Variants in TMEM164 observed in about 807,000 individuals in gnomAD.
The protein encoded by TMEM164 is transmembrane protein 164, also known as RP13-360B22.2.
TMEM164 carries 4 observed loss-of-function variants against 18.8 expected under a neutral mutation model. That is an observed-to-expected ratio of 0.21 (90% CI 0.10 to 0.49). The LOEUF (loss-of-function observed/expected upper bound fraction) is 0.49. Ranked by LOEUF, TMEM164 falls within the 20% of genes least tolerant of loss-of-function variation. TMEM164 has a pLI of 0.98. For synonymous variants in TMEM164, 86 were observed against 101.7 expected (o/e 0.85, Z 0.93); for missense variants, 108 against 239.9 (o/e 0.45, Z 3.63).
intron 3 of TMEM164, among the ~76,000 whole-genome samples, chrX:110,096,329 C>A (rs1477683710): frequency 3.5e-5 from 4 of 112,913 alleles, no homozygotes; most frequent in Non-Finnish European, 7.5e-5. Flanking sequence ...CTGCAGTGGG[C>A]TCCACCCAGT....
chrX:110,147,839 G>C, intron 5 of TMEM164, among the ~76,000 whole-genome samples: 1 of 110,708 alleles, frequency 9.0e-6, no homozygotes, highest in Non-Finnish European at 1.9e-5. Flanking sequence ...TTCCCGTAAA[G>C]CTCCTCTATG....
At chrX:110,117,960 T>A (rs1304910201) in intron 4 of TMEM164, among the ~76,000 whole-genome samples, 2 of 112,302 alleles carry the variant, frequency 1.8e-5, no homozygotes, top group East Asian at 5.6e-4. Flanking sequence ...CCACCCAGGC[T>A]GGAGTGCAGT....
At chrX:110,136,652 T>C (rs1413988676) in intron 4 of TMEM164, among the ~76,000 whole-genome samples, 1 of 111,409 alleles carries the variant, frequency 9.0e-6, no homozygotes, top group Non-Finnish European at 1.9e-5. Context: ...TAATTTGCAG[T>C]GTGCAGCCCT....
At chrX:110,080,504 T>C (rs909043429) in intron 3 of TMEM164, among the ~76,000 whole-genome samples, 1 of 111,528 alleles carries the variant, frequency 9.0e-6, no homozygotes, top group Non-Finnish European at 1.9e-5. Context: ...TGCAGATCTC[T>C]TCTGTCATTC....
intron 4 of TMEM164, among the ~76,000 whole-genome samples, chrX:110,132,950 A>T: frequency 8.9e-6 from 1 of 111,906 alleles, no homozygotes; most frequent in Non-Finnish European, 1.9e-5. Context: ...GGCTGCTATG[A>T]CAAATATCAC....
chrX:110,154,673 G>T (rs866226490), intron 5 of TMEM164, among the ~76,000 whole-genome samples: 1 of 112,055 alleles, frequency 8.9e-6, no homozygotes, highest in Non-Finnish European at 1.9e-5. Context: ...GCCTGCCTCT[G>T]CCTCCCAAAG....
intron 5 of TMEM164, among the ~76,000 whole-genome samples, chrX:110,164,471 T>C (rs1265520636): frequency 9.0e-6 from 1 of 110,860 alleles, no homozygotes; most frequent in Non-Finnish European, 1.9e-5. Context: ...TGGGAATGCT[T>C]GACTTGGAGA....
intron 2 of TMEM164, 122 bp downstream of exon 2, chrX:110,004,286 C>A: frequency 1.2e-6 from 1 of 862,410 alleles, no homozygotes; most frequent in Non-Finnish European, 1.6e-6. Context: ...AATGATTTTC[C>A]AACGAGTGGC....
intron 3 of TMEM164, among the ~76,000 whole-genome samples, chrX:110,106,707 A>AT (rs200483579): frequency 3.2e-3 from 355 of 109,803 alleles, no homozygotes; most frequent in South Asian, 7.4e-3. Context: ...TGTTGATGTG[A>AT]TTTTTTTTTC....
downstream of TMEM164, among the ~76,000 whole-genome samples, chrX:110,179,095 A>G (rs2067313044): frequency 8.9e-6 from 1 of 111,781 alleles, no homozygotes; most frequent in South Asian, 3.8e-4. Flanking sequence ...AGCAGCCTCA[A>G]AGCAGACCTG....
intron 3 of TMEM164, among the ~76,000 whole-genome samples, chrX:110,078,178 T>C (rs758447170): frequency 8.9e-6 from 1 of 112,230 alleles, no homozygotes; most frequent in African/African-American, 3.2e-5. Flanking sequence ...TTCTTTATTC[T>C]TGTCTGACTG....
chrX:110,103,865 T>C (rs1227810206), intron 3 of TMEM164, among the ~76,000 whole-genome samples: 1 of 110,729 alleles, frequency 9.0e-6, no homozygotes, highest in Non-Finnish European at 1.9e-5. Context: ...ATGGAAAACA[T>C]GAGGGAAGGG....
At chrX:110,133,573 T>C (rs756845673) in intron 4 of TMEM164, among the ~76,000 whole-genome samples, 4 of 112,106 alleles carry the variant, frequency 3.6e-5, no homozygotes, top group African/African-American at 9.7e-5. Flanking sequence ...TACTGAGGTA[T>C]TGAGGGTGAG....
At position 110,171,406 on chromosome X, in the gene TMEM164, C is replaced by T. The variant is rs191232797; in HGVS notation, c.587-14C>T. ...ACTATTCCTGCCATCTCACCATCTC[C>T]CCTCTTCCTCCAGGTGCTTACACTC... On this transcript the variant is annotated splice_polypyrimidine_tract_variant and intron_variant, in intron 5 of 6. Transcript: ENST00000372068. 2.6e-4 allele frequency: 308 copies of T among 1,166,083 alleles called. No individual in the cohort carries two copies. Among genetic ancestry groups the T allele is most frequent in the Middle Eastern group, 1.9e-3 (8 of 4,212 alleles).
intron 2 of TMEM164, chrX:110,065,619 T>G (rs1303274782): frequency 9.0e-6 from 1 of 111,623 alleles, no homozygotes; most frequent in Non-Finnish European, 1.9e-5. Flanking sequence ...TGGGGATAAG[T>G]CGATGTTTGG....
chrX:110,158,805 G>T (rs1448216197), intron 5 of TMEM164, among the ~76,000 whole-genome samples: 1 of 111,883 alleles, frequency 8.9e-6, no homozygotes, highest in African/African-American at 3.3e-5. Flanking sequence ...TACACATGCT[G>T]CCCATTACAA....
At chrX:110,091,785 T>C (rs1005996661) in intron 3 of TMEM164, among the ~76,000 whole-genome samples, 4 of 112,361 alleles carry the variant, frequency 3.6e-5, no homozygotes, top group African/African-American at 1.3e-4. Flanking sequence ...TCTTTGCCCA[T>C]GCCTATGTCC....
rs371594699 is a variant in TMEM164, at chrX:110,176,100, T to G, written c.*2649T>G. 1.3e-6 allele frequency: 1 copy of G among 756,811 alleles called. No individual in the cohort carries two copies. The highest frequency in any genetic ancestry group is 2.3e-5 in the African/African-American group (1 of 43,883). The allele number at this position is 756,811 out of a possible 1,213,427, so 62.4% of individuals were successfully genotyped here. A position where few individuals can be genotyped will look rare whatever the true frequency, so the allele number is the denominator to read the frequency against. ...GGTTTCCGTGTGCCATTTGCCAGCG[T>G]GTGGGAGCTCTGCGCGTGTGTGAGG... is the stretch of plus-strand genomic sequence containing the variant. On this transcript the variant is annotated 3_prime_UTR_variant, in exon 7 of 7. Transcript: ENST00000372068.
At chrX:110,094,681 T>G (rs2065985466) in intron 3 of TMEM164, among the ~76,000 whole-genome samples, 1 of 111,750 alleles carries the variant, frequency 8.9e-6, no homozygotes, top group South Asian at 3.7e-4. Flanking sequence ...CATTTACATT[T>G]AAGGTCAATA....
Sources: allele counts gnomAD v4.1 joint callset (sites outside exome capture counted in the v4.1 genomes callset), GRCh38; gene constraint gnomAD v4.1.1; transcripts MANE v1.5; gene names NCBI Gene and HGNC (gene_info 2026-07-23, HGNC 2026-07-21).